Variants in MICU3 observed in about 807,000 individuals in gnomAD.
MICU3 encodes the protein mitochondrial calcium uptake 3, also known as calcium uptake protein 3, mitochondrial.
MICU3 carries 62 observed loss-of-function variants against 66.5 expected under a neutral mutation model. That is an observed-to-expected ratio of 0.93 (90% CI 0.76 to 1.15). MICU3 has a LOEUF of 1.15. MICU3 is among the 50% of genes most tolerant of loss of function. The pLI is 0.00. For synonymous variants in MICU3, 308 were observed against 240.7 expected, an observed-to-expected ratio of 1.28 and a Z score of -2.59; for missense variants, 779 against 664.4, an observed-to-expected ratio of 1.17 and a Z score of -1.90.
chr8:17,126,052 A>AC (rs1563412264), downstream of MICU3, among the ~76,000 whole-genome samples: 1 of 147,580 alleles, frequency 6.8e-6, no homozygotes, highest in African/African-American at 2.6e-5. Flanking sequence ...AAAAAAAAAA[A>AC]CCTCTCTCTG....
chr8:17,100,601 A>G (rs1375899167), intron 9 of MICU3, among the ~76,000 whole-genome samples: 3 of 151,642 alleles, frequency 2.0e-5, no homozygotes, highest in African/African-American at 7.3e-5. Flanking sequence ...TGTTATATGT[A>G]TTTCTTTATT....
At chr8:17,062,026 C>T (rs1817905653) in intron 1 of MICU3, among the ~76,000 whole-genome samples, 1 of 152,108 alleles carries the variant, frequency 6.6e-6, no homozygotes, top group Non-Finnish European at 1.5e-5. Context: ...GTCATTGCTC[C>T]ACTTAAGAAT....
chr8:17,129,355 A>G, the MICU3 span, among the ~76,000 whole-genome samples: 1 of 152,244 alleles, frequency 6.6e-6, no homozygotes, highest in Non-Finnish European at 1.5e-5. Context: ...TTGAATTAGC[A>G]GATAAAAACT....
At chr8:17,081,446 A>G (rs962269994) in intron 4 of MICU3, among the ~76,000 whole-genome samples, 1 of 152,124 alleles carries the variant, frequency 6.6e-6, no homozygotes, top group Non-Finnish European at 1.5e-5. Context: ...ATACGTATGC[A>G]TTATAATTTT....
chr8:17,053,112 T>G (rs576369434), intron 1 of MICU3, among the ~76,000 whole-genome samples: 3 of 152,254 alleles, frequency 2.0e-5, no homozygotes, highest in Non-Finnish European at 4.4e-5. Flanking sequence ...CTAAATAATA[T>G]TGGTGAATAC....
chr8:17,058,834 A>G (rs1313084037), intron 1 of MICU3, among the ~76,000 whole-genome samples: 1 of 152,230 alleles, frequency 6.6e-6, no homozygotes, highest in Non-Finnish European at 1.5e-5. Context: ...CCATTAGATC[A>G]TTCTCTAAGT....
chr8:17,113,499 C>T (rs555241761), intron 11 of MICU3, among the ~76,000 whole-genome samples: 4 of 152,192 alleles, frequency 2.6e-5, no homozygotes, highest in Non-Finnish European at 5.9e-5. Context: ...CCACACCAGC[C>T]CAGTGTGGAG....
In MICU3 at chr8:17,077,909, A is replaced by G. The variant is rs765403122; in HGVS notation, c.646+48A>G. 1.4e-5 allele frequency: 16 copies of G among 1,155,996 alleles called. No individual in the cohort carries two copies. The South Asian group carries it at 1.9e-4, about 14-fold the overall frequency. 71.6% of individuals were successfully genotyped at this position (1,155,996 alleles called of 1,614,324 possible). ...TCTTTTTTTAAACTATATTATGTAT[A>G]CTATTTATATATGCATATTTTCCCA... On this transcript the variant is annotated intron_variant, in intron 4 of 14. Transcript: ENST00000318063.
chr8:17,124,897 T>G (rs7837329), downstream of MICU3, among the ~76,000 whole-genome samples: 2 of 152,216 alleles, frequency 1.3e-5, no homozygotes, highest in African/African-American at 4.8e-5. Context: ...TAGGACTTAG[T>G]AGAATCTTCC....
chr8:17,053,198 C>T (rs1013105866), intron 1 of MICU3, among the ~76,000 whole-genome samples: 5 of 152,040 alleles, frequency 3.3e-5, no homozygotes, highest in Non-Finnish European at 7.4e-5. Context: ...AGGTATTATG[C>T]AGAGTAAGGT....
intron 1 of MICU3, among the ~76,000 whole-genome samples, chr8:17,040,440 T>C (rs2150522809): frequency 6.6e-6 from 1 of 152,348 alleles, no homozygotes; most frequent in East Asian, 1.9e-4. Flanking sequence ...CATTGGACTT[T>C]ATGGAGATCA....
chr8:17,067,164 G>T lies in MICU3; in HGVS notation c.536-2524G>T, dbSNP rs1301402341. Among the ~76,000 whole-genome samples, 3 of 152,150 alleles carry T rather than the reference G, an allele frequency of 2.0e-5. No individual in the cohort carries two copies. In the East Asian group the frequency reaches 5.8e-4, roughly 29 times the overall value. On this transcript the variant is annotated intron_variant, in intron 2 of 14. Transcript: ENST00000318063. ...AAGTTGGGGTTTTAGAAAAGGAAAA[G>T]AATAGAACAATGTTTCATGTACTGA...
chr8:17,094,534 C>A (rs1482843089), intron 8 of MICU3, among the ~76,000 whole-genome samples: 2 of 151,980 alleles, frequency 1.3e-5, no homozygotes, highest in Non-Finnish European at 2.9e-5. Flanking sequence ...TACTAGAAGA[C>A]AGCTGGTTTC....
downstream of MICU3, among the ~76,000 whole-genome samples, chr8:17,123,792 A>G (rs542548513): frequency 6.6e-5 from 10 of 152,174 alleles, 1 homozygote; most frequent in South Asian, 2.1e-3. Flanking sequence ...TTTATATGAC[A>G]TGATCTGTAA....
At chr8:17,073,299 A>G (rs536040440) in intron 3 of MICU3, among the ~76,000 whole-genome samples, 1 of 152,098 alleles carries the variant, frequency 6.6e-6, no homozygotes, top group African/African-American at 2.4e-5. Context: ...CATTGCTCAC[A>G]TTACTGCCTG....
chr8:17,057,746 G>A (rs1817167095), intron 1 of MICU3, among the ~76,000 whole-genome samples: 1 of 152,042 alleles, frequency 6.6e-6, no homozygotes, highest in Admixed American at 6.6e-5. Flanking sequence ...GCAATTTATG[G>A]TTTCACACAT....
intron 11 of MICU3, among the ~76,000 whole-genome samples, chr8:17,107,659 G>A (rs189038927): frequency 1.3e-5 from 2 of 152,292 alleles, no homozygotes; most frequent in Non-Finnish European, 2.9e-5. Context: ...GTCTGCAGCT[G>A]TTTTTACACT....
At chr8:17,127,831 A>C in the MICU3 span, among the ~76,000 whole-genome samples, 1 of 152,062 alleles carries the variant, frequency 6.6e-6, no homozygotes, top group East Asian at 1.9e-4. Flanking sequence ...ACACTGAACC[A>C]TTTCTAGTGT....
chr8:17,082,506 G>T (rs1326132555), intron 5 of MICU3, among the ~76,000 whole-genome samples: 1 of 152,016 alleles, frequency 6.6e-6, no homozygotes, highest in Non-Finnish European at 1.5e-5. Context: ...AGTATTATTG[G>T]TTTACATGTT....
Sources: gnomAD v4.1 joint callset for allele counts (sites outside exome capture counted in the v4.1 genomes callset) on GRCh38, gnomAD v4.1.1 for gene constraint, MANE v1.5 for transcripts, NCBI Gene and HGNC (gene_info 2026-07-23, HGNC 2026-07-21) for gene names.